Variants in ZNF384 observed in about 807,000 individuals in gnomAD.
The protein encoded by ZNF384 is zinc finger protein 384.
Under a neutral mutation model 65.0 loss-of-function variants are expected in ZNF384, and 20 were observed. The ratio of observed to expected loss-of-function variants is 0.31; its 90% CI spans 0.22 to 0.45. The LOEUF is 0.45. Among genes scored for constraint, ZNF384 ranks in the 20% least tolerant of loss-of-function variants. The probability of loss-of-function intolerance (pLI) is 1.00; values close to 1 mark genes in which losing one functional copy is unlikely to be tolerated. For synonymous variants in ZNF384, 310 were observed against 303.9 expected, an observed-to-expected ratio of 1.02 and a Z score of -0.21; for missense variants, 549 against 769.4, an observed-to-expected ratio of 0.71 and a Z score of 3.39.
intron 2 of ZNF384, among the ~76,000 whole-genome samples, chr12:6,679,813 A>C (rs1407881241): frequency 6.6e-6 from 1 of 152,196 alleles, no homozygotes; most frequent in Non-Finnish European, 1.5e-5. Flanking sequence ...AACTGGTATT[A>C]CTTTCCTTTG....
rs777167531 is a variant in ZNF384, at chr12:6,667,936, C to G, written c.1605G>C (p.Gln535His). ...GCTGCTGCTGCTGCTGCTGCTGCTG[C>G]TGCTGCTGCTGTGATGCCTGGGAGG... ...AQASQASQQQ[Q>H]QQQQQQQQQQ... Residue 535 changes from glutamine to histidine, a missense_variant, in exon 12 of 12, where the codon CAG becomes CAC. Gln to His is a conservative substitution (Grantham distance 24). Coordinates refer to ENST00000683879, the MANE Select transcript of ZNF384 (RefSeq NM_001385745.1). 4 of 1,607,112 alleles carry G rather than the reference C, an allele frequency of 2.5e-6. No individual in the cohort carries two copies. Among genetic ancestry groups the G allele is most frequent in the Non-Finnish European group, 3.4e-6 (4 of 1,177,368 alleles).
At chr12:6,671,453 TTGAGGGTGCAGTG>T in intron 9 of ZNF384, 1 of 152,534 alleles carries the variant, frequency 6.6e-6, no homozygotes, top group Non-Finnish European at 1.5e-5. Context: ...AGCCAAGGAC[TTGAGGGTGCAGTG>T]ACACCTGCTC....
At chr12:6,669,928 GCA>G (rs1357528550) in intron 10 of ZNF384, among the ~76,000 whole-genome samples, 5 of 150,242 alleles carry the variant, frequency 3.3e-5, no homozygotes, top group East Asian at 2.0e-4. Context: ...TCTCAAACAC[GCA>G]CACGCGCGCG....
rs151229213 is a variant in ZNF384 at position 6,679,001 on chromosome 12, G to A, written c.249C>T (p.Ser83=). ...SDQLTPHSQA[S]VTQNITVVPV... is the part of the protein sequence containing the mutation. The stretch of plus-strand genomic sequence containing the variant: ...GGACCACCGTGATATTCTGGGTAAC[G>A]GACGCTTGGCTGTGTGGGGTCAGCT... The change falls in exon 4 of 12, where the codon TCC becomes TCT. Residue 83 remains serine, a synonymous_variant. Transcript: ENST00000683879. 4.3e-6 allele frequency: 7 copies of A among 1,613,996 alleles called. No individual in the cohort carries two copies. The highest frequency in any genetic ancestry group is 4.0e-5 in the African/African-American group (3 of 74,964).
In ZNF384 at chr12:6,672,448, C is replaced by T. The variant is rs374855828; in HGVS notation, c.1089G>A (p.Leu363=). The T allele has an allele frequency of 6.2e-7, 1 of 1,613,958 alleles. No homozygotes were observed. ...CCGAGTGGATACGGAGGTGCTGGGC[C>T]AGGTAGGAGGTGTTGGCGAAGGTCT... ...CSKTFANTSY[L]AQHLRIHSGA... Residue 363 remains leucine (L), a synonymous_variant, in exon 9 of 12, where the codon CTG becomes CTA. Transcript: ENST00000683879. The surrounding 1 kb of genome is among the most constrained non-coding windows in gnomAD (Gnocchi z 4.4).
Position 6,667,719 on chromosome 12 carries a change from A to T in ZNF384, c.1822T>A (p.Ser608Thr). 6.2e-7 allele frequency: 1 copy of T among 1,614,118 alleles called. No individual in the cohort carries two copies. ...STIQVEHLAS[S>T] Reference sequence around the variant, plus strand: ...GTGGGTGGCAGCACGGATCTCTAAGAGCTGGCCAGGTGCTCCACCTGGATG... The same window carrying T: ...GTGGGTGGCAGCACGGATCTCTAAGTGCTGGCCAGGTGCTCCACCTGGATG... Residue 608 changes from serine to threonine, a missense_variant, in exon 12 of 12, where the codon TCT becomes ACT. Coordinates refer to ENST00000683879, the MANE Select transcript of ZNF384 (RefSeq NM_001385745.1).
In ZNF384 at chr12:6,669,169, G is replaced by A. The variant is rs146460067; in HGVS notation, c.1287C>T (p.Asn429=). ...TGTGGCACTTGAAGGGTTTATCTTT[G>A]TTGTGTTGCCGTCTGTGGGACTGAG... The part of the protein sequence containing the change: ...SNLQSHRRQH[N]KDKPFKCHNC... The change falls in exon 11 of 12, where the codon AAC becomes AAT. Residue 429 remains asparagine, a synonymous_variant. Transcript: ENST00000683879. 5.6e-6 allele frequency: 9 copies of A among 1,611,832 alleles called. No homozygotes were observed. The African/African-American group carries it at 1.1e-4, about 19-fold the overall frequency.
chr12:6,680,758 G>A (rs186671256), intron 2 of ZNF384, among the ~76,000 whole-genome samples: 3 of 152,178 alleles, frequency 2.0e-5, no homozygotes, highest in African/African-American at 7.2e-5. Flanking sequence ...GTGCTACACT[G>A]GGCACCACAC....
At chr12:6,675,612 G>C (rs1360296388) in intron 7 of ZNF384, among the ~76,000 whole-genome samples, 1 of 152,116 alleles carries the variant, frequency 6.6e-6, no homozygotes, top group African/African-American at 2.4e-5. Flanking sequence ...AGTCAGCAGG[G>C]GATAGAAAAG....
chr12:6,670,304 T>TAGA, intron 10 of ZNF384, among the ~76,000 whole-genome samples: 1 of 152,036 alleles, frequency 6.6e-6, no homozygotes, highest in African/African-American at 2.4e-5. Flanking sequence ...GGTGCATGCC[T>TAGA]AGAATCCCAG....
At position 6,674,015 on chromosome 12, in the gene ZNF384, T is replaced by C. The variant is rs140029521; in HGVS notation, c.780-575A>G. ...GAGGGGCTTTTTCAAACCAGGTATGTCTGCTCTCCACCCTCTTATCTGATG... is the reference window on the plus strand; with the variant it reads ...GAGGGGCTTTTTCAAACCAGGTATGCCTGCTCTCCACCCTCTTATCTGATG... On this transcript the variant is annotated intron_variant, in intron 7 of 11. Coordinates refer to ENST00000683879, the MANE Select transcript of ZNF384 (RefSeq NM_001385745.1). Among the ~76,000 whole-genome samples, 6 of 152,294 alleles carry C rather than the reference T, an allele frequency of 3.9e-5. No homozygotes were observed. The East Asian group carries it at 7.7e-4, about 20-fold the overall frequency.
rs1438675673 is a variant in ZNF384 at position 6,672,335 on chromosome 12, G to A, written c.1187+15C>T. 8 of 1,609,046 alleles carry A rather than the reference G, an allele frequency of 5.0e-6. No homozygotes were observed. The highest frequency in any genetic ancestry group is 6.8e-6 in the Non-Finnish European group (8 of 1,177,364). On this transcript the variant is annotated intron_variant, in intron 9 of 11. Transcript: ENST00000683879. The surrounding 1 kb of genome is among the most constrained non-coding windows in gnomAD (Gnocchi z 4.4). ...GCCAGCGGGGCGGGGTCAGTAGCCC[G>A]CCACTCTCCCTTACCGTGTGTGCTG...
chr12:6,667,622 C>T lies in ZNF384; in HGVS notation c.*92G>A. Reference sequence around the variant, plus strand: ...CCAAGGAGATGGAGCCAAGGCCTGTCAAGGAAGAAAAGGACTTTTCCCACC... The same window carrying T: ...CCAAGGAGATGGAGCCAAGGCCTGTTAAGGAAGAAAAGGACTTTTCCCACC... On this transcript the variant is annotated 3_prime_UTR_variant, in exon 12 of 12. Transcript: ENST00000683879. 1.9e-6 allele frequency: 3 copies of T among 1,563,392 alleles called. No individual in the cohort carries two copies. In the African/African-American group the frequency reaches 4.0e-5, roughly 21 times the overall value.
At chr12:6,689,012 C>T (rs924723724) in intron 1 of ZNF384, 86 bp downstream of exon 1, 1 of 152,280 alleles carries the variant, frequency 6.6e-6, no homozygotes, top group African/African-American at 2.4e-5. Context: ...ATCGTGGACC[C>T]CCCCTTCCCC....
chr12:6,688,491 C>T (rs1433328653), intron 1 of ZNF384: 3 of 152,304 alleles, frequency 2.0e-5, no homozygotes, highest in Non-Finnish European at 4.4e-5. Flanking sequence ...GAGACTGGTC[C>T]TTGTTCGTTC....
At chr12:6,671,202 G>A (rs752311506) in intron 9 of ZNF384, among the ~76,000 whole-genome samples, 4 of 152,192 alleles carry the variant, frequency 2.6e-5, no homozygotes, top group Admixed American at 6.5e-5. Flanking sequence ...AGCAGAACGC[G>A]TCTTCCTTGG....
chr12:6,672,575 T>C lies in ZNF384; in HGVS notation c.1005-43A>G. ...AGGGAAGGGGGGAGGAGGAAGCAGT[T>C]CGACACCAGGGGCTCAGCTCTCTGC... On this transcript the variant is annotated intron_variant, in intron 8 of 11. Coordinates refer to ENST00000683879, the MANE Select transcript of ZNF384 (RefSeq NM_001385745.1). This position sits in a 1 kb window ranked among gnomAD's most constrained non-coding sequence, Gnocchi z 4.4. 1 of 1,587,416 alleles carries C rather than the reference T, an allele frequency of 6.3e-7. No individual in the cohort carries two copies. Among genetic ancestry groups the C allele is most frequent in the South Asian group, 1.1e-5 (1 of 89,120 alleles).
In ZNF384 at chr12:6,678,082, A is replaced by G. The variant is rs763922881; in HGVS notation, c.686+45T>C. 1.9e-6 allele frequency: 3 copies of G among 1,553,432 alleles called. No individual in the cohort carries two copies. The highest frequency in any genetic ancestry group is 2.4e-5 in the South Asian group (2 of 84,568). On this transcript the variant is annotated intron_variant, in intron 6 of 11. Coordinates refer to ENST00000683879, the MANE Select transcript of ZNF384 (RefSeq NM_001385745.1). The surrounding 1 kb of genome is among the most constrained non-coding windows in gnomAD (Gnocchi z 4.9). ...AATGAGGGTACAGGGAGAATCACCA[A>G]GCCAGGGATCCTCGCCCCATCCTGC...
Position 6,679,139 on chromosome 12 carries a change from C to G in ZNF384, c.111G>C (p.Leu37Phe). 6.2e-7 allele frequency: 1 copy of G among 1,604,960 alleles called. No homozygotes were observed. The highest frequency in any genetic ancestry group is 8.5e-7 in the Non-Finnish European group (1 of 1,174,314). Residue 37 changes from leucine to phenylalanine, a missense_variant, in exon 4 of 12, where the codon TTG (leucine) becomes TTC (phenylalanine). By Grantham distance (22) the Leu-to-Phe change is conservative. Coordinates refer to ENST00000683879, the MANE Select transcript of ZNF384 (RefSeq NM_001385745.1). Reference sequence around the variant, plus strand: ...GGGCCAGACCACAGCCCTTCTCTGGCAACAGCTGATCCTTCATCTTGTTGA... The same window carrying G: ...GGGCCAGACCACAGCCCTTCTCTGGGAACAGCTGATCCTTCATCTTGTTGA... ...MFINKMKDQL[L>F]PEKGCGLAPP... is the part of the protein sequence containing the mutation.
Sources: allele counts gnomAD v4.1 joint callset (sites outside exome capture counted in the v4.1 genomes callset), GRCh38; gene constraint gnomAD v4.1.1; non-coding constraint Gnocchi (gnomAD v3.1); transcripts MANE v1.5; gene names NCBI Gene and HGNC (gene_info 2026-07-23, HGNC 2026-07-21).